ROBO2: variants seen among roughly 807,000 people sequenced by gnomAD.
ROBO2 encodes roundabout homolog 2.
Under a neutral mutation model 160.8 loss-of-function variants are expected in ROBO2, and 53 were observed. That is an observed-to-expected ratio of 0.33 (90% CI 0.26 to 0.41). The LOEUF is 0.41. ROBO2 is among the 10% of genes least tolerant of loss of function. ROBO2 has a pLI of 1.00. For synonymous variants in ROBO2, 664 were observed against 611.7 expected, an observed-to-expected ratio of 1.09 and a Z score of -1.26; for missense variants, 1,577 against 1,722.4, an observed-to-expected ratio of 0.92 and a Z score of 1.49.
chr3:77,543,474 T>G (rs1390878534), intron 6 of ROBO2, among the ~76,000 whole-genome samples: 5 of 152,140 alleles, frequency 3.3e-5, no homozygotes, highest in Admixed American at 3.3e-4. Context: ...GGACTATATT[T>G]TAGCAGTGGT....
intron 2 of ROBO2, among the ~76,000 whole-genome samples, chr3:77,211,115 G>T (rs1304301103): frequency 1.3e-5 from 2 of 152,106 alleles, no homozygotes; most frequent in South Asian, 2.1e-4. Context: ...GTAATGGGAT[G>T]GCTGGGTCAA....
At chr3:76,080,235 G>A (rs1051960541) in intron 2 of ROBO2, among the ~76,000 whole-genome samples, 7 of 152,162 alleles carry the variant, frequency 4.6e-5, no homozygotes, top group African/African-American at 1.2e-4. Context: ...GGCTCAGTGC[G>A]TACTGACCAC....
chr3:76,591,557 A>G (rs965289516), intron 2 of ROBO2, among the ~76,000 whole-genome samples: 1 of 152,280 alleles, frequency 6.6e-6, no homozygotes, highest in South Asian at 2.1e-4. Flanking sequence ...CCTGAATTCT[A>G]TCTTCAAAAT....
chr3:77,289,338 T>C lies in ROBO2; in HGVS notation c.389-188076T>C, dbSNP rs143511080. Among the ~76,000 whole-genome samples, 381 of 151,996 alleles carry C rather than the reference T, an allele frequency of 2.5e-3. 3 individuals carry two copies. Among genetic ancestry groups the C allele is most frequent in the Middle Eastern group, 0.024 (7 of 294 alleles). ...AGGCTAGAGCACCAAAGACATAAAG[T>C]AAAATTGACGGTTAAACGGGTAAGC... On this transcript the variant is annotated intron_variant, in intron 2 of 25. Transcript: ENST00000461745.
At chr3:76,632,317 C>G (rs1215157438) in intron 2 of ROBO2, among the ~76,000 whole-genome samples, 4 of 152,142 alleles carry the variant, frequency 2.6e-5, no homozygotes, top group Non-Finnish European at 4.4e-5. Context: ...AGATTTCGTT[C>G]CTTTGTCACA....
At chr3:75,995,747 G>T (rs966053808) in intron 2 of ROBO2, among the ~76,000 whole-genome samples, 1 of 152,144 alleles carries the variant, frequency 6.6e-6, no homozygotes, top group Non-Finnish European at 1.5e-5. Context: ...AGTTGGGAGA[G>T]GGGTTGTACC....
chr3:76,931,974 C>T (rs1261644207), intron 2 of ROBO2, among the ~76,000 whole-genome samples: 2 of 152,124 alleles, frequency 1.3e-5, no homozygotes, highest in South Asian at 2.1e-4. Context: ...AGCCACCGCA[C>T]CCTGCCAAAT....
intron 13 of ROBO2, among the ~76,000 whole-genome samples, chr3:77,570,760 T>G (rs2093618089): frequency 6.6e-6 from 1 of 152,028 alleles, no homozygotes; most frequent in African/African-American, 2.4e-5. Flanking sequence ...TATCAAAATG[T>G]TAGCATTTGC....
At chr3:76,344,450 A>C (rs980545930) in intron 2 of ROBO2, among the ~76,000 whole-genome samples, 4 of 152,150 alleles carry the variant, frequency 2.6e-5, no homozygotes, top group Admixed American at 1.3e-4. Flanking sequence ...TATTTTGGTC[A>C]TCAGAACTCT....
chr3:77,175,855 A>G (rs985777705), intron 2 of ROBO2, among the ~76,000 whole-genome samples: 2 of 152,058 alleles, frequency 1.3e-5, no homozygotes, highest in East Asian at 1.9e-4. Context: ...TGACTTTGAT[A>G]TATTAATGGA....
intron 5 of ROBO2, among the ~76,000 whole-genome samples, chr3:77,500,654 A>G (rs1276078835): frequency 6.6e-6 from 1 of 152,206 alleles, no homozygotes; most frequent in Non-Finnish European, 1.5e-5. Flanking sequence ...TTGGAAACTG[A>G]AGATATAGAT....
rs1553805626 is a variant in ROBO2, at chr3:76,567,632, T to TATATATATATATAC, written c.110-530369_110-530368insCATATATATATATA. On this transcript the variant is annotated intron_variant, in intron 2 of 26. Coordinates refer to the ROBO2 transcript ENST00000487694. ...ATACCAAACTACTGATATATATATATATATATATATATATATATATACACA... is the reference window on the plus strand; with the variant it reads ...ATACCAAACTACTGATATATATATATATATATATATATACATATATATATATATATATATACACA... Among the ~76,000 whole-genome samples the TATATATATATATAC allele has an allele frequency of 2.7e-4, 21 of 79,118 alleles. 2 individuals carry two copies. The highest frequency in any genetic ancestry group is 4.4e-4 in the Non-Finnish European group (17 of 38,244). The allele number at this position is 79,118 out of a possible 152,430, so 51.9% of individuals were successfully genotyped here.
rs190948758 is a variant in ROBO2, at chr3:77,643,082, G to T, written c.3935-1622G>T. The T allele has an allele frequency of 4.0e-3, 1,517 of 381,044 alleles. 7 individuals carry two copies. Among genetic ancestry groups the T allele is most frequent in the African/African-American group, 0.015 (706 of 47,654 alleles). 23.6% of individuals were successfully genotyped at this position (381,044 alleles called of 1,614,324 possible). ...TAATGGAATTTGGAATTCCTTAGGA[G>T]ATTTTACCAGTACATGCCTTAAGGC... On this transcript the variant is annotated intron_variant, in intron 24 of 25. Transcript: ENST00000461745.
chr3:76,128,012 C>T (rs1222577496), intron 2 of ROBO2, among the ~76,000 whole-genome samples: 1 of 151,402 alleles, frequency 6.6e-6, no homozygotes, highest in African/African-American at 2.4e-5. Flanking sequence ...TCTCCTGCCT[C>T]AGCCTCCTGA....
chr3:76,304,738 T>TTTCCTTCCTTC (rs749689673), intron 2 of ROBO2, among the ~76,000 whole-genome samples: 1 of 29,016 alleles, frequency 3.4e-5, no homozygotes, highest in Admixed American at 3.7e-4. Context: ...CTTTCTTTTC[T>TTTCCTTCCTTC]TTTCTTTCCT....
chr3:76,339,034 T>G (rs1432617116), intron 2 of ROBO2, among the ~76,000 whole-genome samples: 1 of 152,172 alleles, frequency 6.6e-6, no homozygotes, highest in Non-Finnish European at 1.5e-5. Context: ...TGCATTTCAA[T>G]GTGTTATTAC....
intron 6 of ROBO2, among the ~76,000 whole-genome samples, chr3:77,545,573 T>G (rs543361125): frequency 1.3e-5 from 2 of 152,224 alleles, no homozygotes; most frequent in East Asian, 3.9e-4. Context: ...TTCGTTTTTG[T>G]TTTTGTCATT....
chr3:76,293,997 C>G (rs542792645), intron 2 of ROBO2, among the ~76,000 whole-genome samples: 28 of 152,294 alleles, frequency 1.8e-4, no homozygotes, highest in African/African-American at 6.5e-4. Context: ...CAGCCTGTCT[C>G]CGATGTTCAT....
At chr3:76,256,341 CTCTCTCTCTCT>C in intron 2 of ROBO2, among the ~76,000 whole-genome samples, 1 of 94,084 alleles carries the variant, frequency 1.1e-5, no homozygotes, top group African/African-American at 3.3e-5. Context: ...CTCTCTCTCT[CTCTCTCTCTCT>C]CACATACACA....
Sources: allele counts gnomAD v4.1 joint callset (sites outside exome capture counted in the v4.1 genomes callset), GRCh38; gene constraint gnomAD v4.1.1; transcripts MANE v1.5; gene names NCBI Gene and HGNC (gene_info 2026-07-23, HGNC 2026-07-21).